Variants in CAMTA1 observed in about 807,000 individuals in gnomAD.
CAMTA1 encodes the protein calmodulin-binding transcription activator 1.
In CAMTA1, 27 loss-of-function variants were observed where a neutral mutation model predicts 170.9. The observed-to-expected ratio is 0.16, with a 90% CI of 0.12 to 0.22. The LOEUF (loss-of-function observed/expected upper bound fraction) is 0.22. CAMTA1 is among the 10% of genes least tolerant of loss of function. The pLI, the probability that CAMTA1 is intolerant of heterozygous loss-of-function variation, is 1.00. For synonymous variants in CAMTA1, 833 were observed against 891.5 expected (o/e 0.93, Z 1.17); for missense variants, 1,619 against 2,217.2 (o/e 0.73, Z 5.42).
At chr1:7,557,013 T>A (rs924297949) in intron 6 of CAMTA1, among the ~76,000 whole-genome samples, 2 of 152,118 alleles carry the variant, frequency 1.3e-5, no homozygotes, top group Non-Finnish European at 2.9e-5. Context: ...AACCCATTGT[T>A]AACATGTTCA....
At chr1:7,165,591 C>T (rs1264613599) in intron 4 of CAMTA1, among the ~76,000 whole-genome samples, 1 of 152,110 alleles carries the variant, frequency 6.6e-6, no homozygotes, top group Non-Finnish European at 1.5e-5. Flanking sequence ...ACCACCATGC[C>T]TGACTAATTT....
At chr1:7,066,468 A>G (rs543470571) in intron 3 of CAMTA1, among the ~76,000 whole-genome samples, 58 of 152,364 alleles carry the variant, frequency 3.8e-4, no homozygotes, top group African/African-American at 1.4e-3. Context: ...AAGAAAATCT[A>G]TAGATCAGAT....
At chr1:6,831,928 A>G (rs1267122436) in intron 3 of CAMTA1, among the ~76,000 whole-genome samples, 6 of 145,252 alleles carry the variant, frequency 4.1e-5, no homozygotes, top group African/African-American at 7.4e-5. Context: ...AATAATTATA[A>G]TGCTTTTTAT....
chr1:6,996,594 T>C (rs2100542290), intron 3 of CAMTA1, among the ~76,000 whole-genome samples: 1 of 152,186 alleles, frequency 6.6e-6, no homozygotes, highest in South Asian at 2.1e-4. Flanking sequence ...TCTCCTCTGA[T>C]TCTACAAAAA....
intron 5 of CAMTA1, among the ~76,000 whole-genome samples, chr1:7,451,265 T>C (rs1292483295): frequency 6.6e-6 from 1 of 152,152 alleles, no homozygotes; most frequent in Non-Finnish European, 1.5e-5. Context: ...CGGGAGGGGT[T>C]TTGGAAAGCG....
intron 22 of CAMTA1, among the ~76,000 whole-genome samples, chr1:7,764,246 C>G (rs2096999842): frequency 1.3e-5 from 2 of 152,198 alleles, no homozygotes; most frequent in African/African-American, 4.8e-5. Context: ...TTTGGATCTA[C>G]TCATGAACAT....
chr1:7,433,730 C>T (rs1194098378), intron 5 of CAMTA1, among the ~76,000 whole-genome samples: 1 of 152,110 alleles, frequency 6.6e-6, no homozygotes, highest in Non-Finnish European at 1.5e-5. Flanking sequence ...TTAGTGGCCG[C>T]CAGTGGTTAA....
chr1:7,501,464 G>T (rs1416299292), intron 6 of CAMTA1, among the ~76,000 whole-genome samples: 1 of 152,128 alleles, frequency 6.6e-6, no homozygotes, highest in African/African-American at 2.4e-5. Context: ...GATGGCCTTG[G>T]GCTTGGCGGG....
At chr1:7,149,188 G>A (rs1258129181) in intron 4 of CAMTA1, among the ~76,000 whole-genome samples, 3 of 152,228 alleles carry the variant, frequency 2.0e-5, no homozygotes, top group Admixed American at 6.5e-5. Context: ...GGCTTTCCCC[G>A]CAGGGAATTG....
At chr1:7,497,713 C>T (rs2093852943) in intron 6 of CAMTA1, among the ~76,000 whole-genome samples, 1 of 152,208 alleles carries the variant, frequency 6.6e-6, no homozygotes, top group South Asian at 2.1e-4. Flanking sequence ...CACACAAACT[C>T]AGGGCCCAGA....
chr1:7,617,457 T>C (rs907172415), intron 6 of CAMTA1, among the ~76,000 whole-genome samples: 4 of 152,124 alleles, frequency 2.6e-5, no homozygotes, highest in African/African-American at 4.8e-5. Flanking sequence ...AAGGGAAGGA[T>C]TGGAAGACTT....
At chr1:7,502,581 C>T (rs1038712688) in intron 6 of CAMTA1, among the ~76,000 whole-genome samples, 17 of 152,164 alleles carry the variant, frequency 1.1e-4, no homozygotes, top group South Asian at 4.1e-4. Flanking sequence ...CCTTCAGCCC[C>T]CGGCTTTCCC....
At chr1:7,246,335 A>C (rs1665765196) in intron 4 of CAMTA1, among the ~76,000 whole-genome samples, 2 of 152,230 alleles carry the variant, frequency 1.3e-5, no homozygotes. Flanking sequence ...GTACGGATAT[A>C]GATTTAGGTG....
intron 6 of CAMTA1, among the ~76,000 whole-genome samples, chr1:7,590,602 G>A (rs1009032647): frequency 3.3e-5 from 5 of 152,322 alleles, no homozygotes; most frequent in Non-Finnish European, 5.9e-5. Flanking sequence ...TGGGGTGGGC[G>A]GTTGGCTGAC....
intron 3 of CAMTA1, among the ~76,000 whole-genome samples, chr1:6,850,957 C>G (rs1660146644): frequency 6.6e-6 from 1 of 152,150 alleles, no homozygotes; most frequent in Admixed American, 6.6e-5. Context: ...TCAAGGTGTT[C>G]TGGAAAGAAG....
In CAMTA1 at chr1:7,565,156, C is replaced by T. The variant is rs1428007204; in HGVS notation, c.511-75244C>T. On this transcript the variant is annotated intron_variant, in intron 6 of 22. Transcript: ENST00000303635. The surrounding 1 kb of genome is among the most constrained non-coding windows in gnomAD (Gnocchi z 4.5). ...GTGCTACCTGGATATACCCCTCACA[C>T]CCCCACCCTCCACTTGCCAGCCGAT... Among the ~76,000 whole-genome samples, 1 of 152,068 alleles carries T rather than the reference C, an allele frequency of 6.6e-6. No individual in the cohort carries two copies. The highest frequency in any genetic ancestry group is 2.4e-5 in the African/African-American group (1 of 41,408).
intron 4 of CAMTA1, among the ~76,000 whole-genome samples, chr1:7,193,945 C>A (rs1335464939): frequency 6.6e-6 from 1 of 152,170 alleles, no homozygotes; most frequent in African/African-American, 2.4e-5. Context: ...AAGACAGCAA[C>A]AGAACAGTGG....
At chr1:7,490,870 A>C (rs564776828) in intron 6 of CAMTA1, among the ~76,000 whole-genome samples, 1 of 152,326 alleles carries the variant, frequency 6.6e-6, no homozygotes, top group East Asian at 1.9e-4. Context: ...TTTCCTGGGA[A>C]GACTTTGGGC....
intron 5 of CAMTA1, among the ~76,000 whole-genome samples, chr1:7,373,452 C>G (rs2086627410): frequency 1.3e-5 from 2 of 152,180 alleles, no homozygotes; most frequent in South Asian, 4.1e-4. Flanking sequence ...GGTGGGAGTG[C>G]TCCACCTCAG....
Sources: allele counts gnomAD v4.1 joint callset (sites outside exome capture counted in the v4.1 genomes callset), GRCh38; gene constraint gnomAD v4.1.1; non-coding constraint Gnocchi (gnomAD v3.1); transcripts MANE v1.5; gene names NCBI Gene and HGNC (gene_info 2026-07-23, HGNC 2026-07-21).